LYPD6: variants seen among roughly 807,000 people sequenced by gnomAD.
LYPD6 encodes ly6/PLAUR domain-containing protein 6.
A neutral mutation model predicts 22.7 loss-of-function variants in LYPD6; 15 were observed. The ratio of observed to expected loss-of-function variants is 0.66; its 90% CI spans 0.44 to 1.02. LYPD6 has a LOEUF of 1.02. Among genes scored for constraint, LYPD6 ranks in the 50% least tolerant of loss-of-function variants. The pLI is 0.00. For synonymous variants in LYPD6, 72 were observed against 77.5 expected, an observed-to-expected ratio of 0.93 and a Z score of 0.37; for missense variants, 189 against 208.4, an observed-to-expected ratio of 0.91 and a Z score of 0.57.
chr2:149,482,236 T>G, the LYPD6 span, among the ~76,000 whole-genome samples: 1 of 152,212 alleles, frequency 6.6e-6, no homozygotes, highest in South Asian at 2.1e-4. Context: ...TAATATAATA[T>G]TATAGTTTGT....
At chr2:149,352,191 C>A (rs560694389) in intron 1 of LYPD6, among the ~76,000 whole-genome samples, 2 of 152,112 alleles carry the variant, frequency 1.3e-5, no homozygotes, top group African/African-American at 4.8e-5. Context: ...AAGGTAGATC[C>A]CCAATGAGTG....
chr2:149,360,971 C>T (rs1023608078), intron 1 of LYPD6, among the ~76,000 whole-genome samples: 6 of 152,210 alleles, frequency 3.9e-5, no homozygotes, highest in South Asian at 2.1e-4. Context: ...TCTATGCATG[C>T]GTAGGAAAAG....
chr2:149,399,217 T>G (rs2105106847), intron 1 of LYPD6, among the ~76,000 whole-genome samples: 1 of 152,362 alleles, frequency 6.6e-6, no homozygotes, highest in East Asian at 1.9e-4. Context: ...TATTTTCTTC[T>G]AATGAAACTG....
intron 3 of LYPD6, among the ~76,000 whole-genome samples, chr2:149,467,147 G>A (rs184274768): frequency 6.6e-6 from 1 of 152,182 alleles, no homozygotes; most frequent in Admixed American, 6.5e-5. Context: ...TTGCCAGGTA[G>A]AAAACTTTCA....
At chr2:149,446,628 G>A (rs1683695254) in intron 2 of LYPD6, among the ~76,000 whole-genome samples, 1 of 152,136 alleles carries the variant, frequency 6.6e-6, no homozygotes, top group African/African-American at 2.4e-5. Context: ...TGTCTAAGCT[G>A]CTTTCCATCA....
At chr2:149,340,301 C>A (rs2377382) in intron 1 of LYPD6, among the ~76,000 whole-genome samples, 42,755 of 151,982 alleles carry the variant, frequency 0.28, 6,656 homozygotes, top group East Asian at 0.61. Flanking sequence ...ATCAAGATAT[C>A]TAGAAATACT....
chr2:149,484,241 G>C, the LYPD6 span, among the ~76,000 whole-genome samples: 4 of 152,162 alleles, frequency 2.6e-5, no homozygotes, highest in African/African-American at 9.7e-5. Flanking sequence ...AATAGCAAGG[G>C]ACCCAATGTG....
At chr2:149,351,570 C>T (rs530214194) in intron 1 of LYPD6, among the ~76,000 whole-genome samples, 36 of 151,994 alleles carry the variant, frequency 2.4e-4, no homozygotes, top group Admixed American at 5.9e-4. Context: ...AGGAAGATTG[C>T]GTGTTCATAA....
intron 1 of LYPD6, among the ~76,000 whole-genome samples, chr2:149,406,219 G>T (rs933821813): frequency 2.0e-5 from 3 of 151,708 alleles, no homozygotes; most frequent in Non-Finnish European, 2.9e-5. Context: ...TGTTGATTTG[G>T]GGTGGAGAGT....
At chr2:149,454,440 C>A (rs371825109) in intron 3 of LYPD6, among the ~76,000 whole-genome samples, 1 of 152,146 alleles carries the variant, frequency 6.6e-6, no homozygotes, top group African/African-American at 2.4e-5. Context: ...GCAACAAAGT[C>A]ATGTTTTCTC....
At position 149,472,222 on chromosome 2, in the gene LYPD6, A is replaced by T. The variant is rs941783766; in HGVS notation, c.*1372A>T. The stretch of plus-strand genomic sequence containing the variant: ...TTTCAACAGTGGTAGAGCTTTTAAT[A>T]TATGTTTATTGAAAGTTATCTATAA... On this transcript the variant is annotated 3_prime_UTR_variant, in exon 5 of 5. Coordinates refer to ENST00000334166, the MANE Select transcript of LYPD6 (RefSeq NM_194317.5). 2.0e-5 allele frequency: 3 copies of T among 152,204 alleles called. No homozygotes were observed. The highest frequency in any genetic ancestry group is 7.2e-5 in the African/African-American group (3 of 41,458). The allele number at this position is 152,204 out of a possible 1,614,324, so 9.4% of individuals were successfully genotyped here.
chr2:149,377,017 C>G (rs1045704879), intron 1 of LYPD6, among the ~76,000 whole-genome samples: 1 of 152,210 alleles, frequency 6.6e-6, no homozygotes, highest in Non-Finnish European at 1.5e-5. Context: ...CAGACTTCTG[C>G]TGTATATGGT....
the LYPD6 span, among the ~76,000 whole-genome samples, chr2:149,482,916 G>A: frequency 2.8e-4 from 43 of 152,310 alleles, no homozygotes; most frequent in Middle Eastern, 3.4e-3. Context: ...GAGACTCTGA[G>A]CAGAAAGCAT....
chr2:149,374,739 G>C lies in LYPD6; in HGVS notation c.-72+44017G>C, dbSNP rs765213493. 4.5e-4 allele frequency among the ~76,000 whole-genome samples: 69 copies of C among 152,342 alleles called. No individual in the cohort carries two copies. The Middle Eastern group carries it at 0.01, about 23-fold the overall frequency. ...GGAGGGTTAACATCCTGCTTCACAG[G>C]AAGGTAGCACATGTTAGGCTTTTAC... On this transcript the variant is annotated intron_variant, in intron 1 of 4. Transcript: ENST00000334166.
intron 1 of LYPD6, among the ~76,000 whole-genome samples, chr2:149,365,280 T>G (rs979771988): frequency 6.6e-6 from 1 of 152,212 alleles, no homozygotes; most frequent in Non-Finnish European, 1.5e-5. Flanking sequence ...ATTTAACTAT[T>G]GCAGGGACCT....
intron 2 of LYPD6, among the ~76,000 whole-genome samples, chr2:149,438,739 C>T (rs2105151417): frequency 6.6e-6 from 1 of 152,316 alleles, no homozygotes; most frequent in African/African-American, 2.4e-5. Context: ...ATGTGGACTC[C>T]TTCAATCCAC....
intron 3 of LYPD6, among the ~76,000 whole-genome samples, chr2:149,451,248 C>T (rs1185156077): frequency 3.3e-5 from 5 of 151,984 alleles, no homozygotes; most frequent in African/African-American, 1.2e-4. Context: ...AGACAAAAGG[C>T]GGGGAAGGGA....
At chr2:149,481,395 C>T in the LYPD6 span, among the ~76,000 whole-genome samples, 2 of 152,314 alleles carry the variant, frequency 1.3e-5, no homozygotes, top group African/African-American at 4.8e-5. Context: ...AGCTCTTTCA[C>T]AAAGCAATTT....
intron 1 of LYPD6, among the ~76,000 whole-genome samples, chr2:149,389,507 G>T (rs1682262509): frequency 1.3e-5 from 2 of 152,128 alleles, no homozygotes; most frequent in Non-Finnish European, 2.9e-5. Flanking sequence ...AAGCCAAAAT[G>T]ACCCCATGCA....
Sources: gnomAD v4.1 joint callset for allele counts (sites outside exome capture counted in the v4.1 genomes callset) on GRCh38, gnomAD v4.1.1 for gene constraint, MANE v1.5 for transcripts, NCBI Gene and HGNC (gene_info 2026-07-23, HGNC 2026-07-21) for gene names.